ANXA2: variants seen among roughly 807,000 people sequenced by gnomAD.
The protein encoded by ANXA2 is annexin A2, also known as annexin II.
Under a neutral mutation model 47.3 loss-of-function variants are expected in ANXA2, and 28 were observed. The observed-to-expected ratio is 0.59, with a 90% CI of 0.44 to 0.81. ANXA2 has a LOEUF of 0.81. ANXA2 is among the 40% of genes least tolerant of loss of function. The pLI is 0.00. For synonymous variants in ANXA2, 172 were observed against 155.5 expected (o/e 1.11, Z -0.79); for missense variants, 384 against 414.3 (o/e 0.93, Z 0.64).
intron 11 of ANXA2, among the ~76,000 whole-genome samples, chr15:60,349,675 C>T (rs1007687417): frequency 6.7e-6 from 1 of 149,014 alleles, no homozygotes; most frequent in African/African-American, 2.5e-5. Flanking sequence ...CCGAACACTA[C>T]TTGTTTCCCA....
At chr15:60,370,756 TAC>T (rs1484956897) in intron 3 of ANXA2, among the ~76,000 whole-genome samples, 1 of 152,232 alleles carries the variant, frequency 6.6e-6, no homozygotes, top group Non-Finnish European at 1.5e-5. Context: ...CCTTGATTTA[TAC>T]TCTCTGACCT....
chr15:60,397,602 T>TGGC (rs1429690309), intron 1 of ANXA2, among the ~76,000 whole-genome samples: 3 of 152,138 alleles, frequency 2.0e-5, no homozygotes, highest in Admixed American at 6.5e-5. Flanking sequence ...CGGCGGCGCC[T>TGGC]GGCGCGTCTG....
chr15:60,349,105 C>G lies in ANXA2; in HGVS notation c.930G>C (p.Lys310Asn), dbSNP rs368177112. The change falls in exon 12 of 13, where the codon AAG becomes AAC. Residue 310 changes from lysine (K) to asparagine (N), a missense_variant. Coordinates refer to ENST00000451270, the MANE Select transcript of ANXA2 (RefSeq NM_004039.3). ...TATAATAGTACAGGGACTTGCCGTACTTTCTCTTGAATTCAGACCTAATTT... is the reference window on the plus strand; with the variant it reads ...TATAATAGTACAGGGACTTGCCGTAGTTTCTCTTGAATTCAGACCTAATTT... The part of the protein sequence containing the change: ...MLKIRSEFKR[K>N]YGKSLYYYIQ... 55 of 1,614,144 alleles carry G rather than the reference C, an allele frequency of 3.4e-5. No individual in the cohort carries two copies. The highest frequency in any genetic ancestry group is 4.5e-5 in the Non-Finnish European group (53 of 1,180,020).
chr15:60,350,632 G>T (rs1024630895), intron 11 of ANXA2, among the ~76,000 whole-genome samples: 2 of 152,200 alleles, frequency 1.3e-5, no homozygotes, highest in Non-Finnish European at 2.9e-5. Context: ...AATGGGATGG[G>T]TCTACGGGAA....
At chr15:60,357,628 C>G (rs766618795) in intron 5 of ANXA2, among the ~76,000 whole-genome samples, 17 of 152,102 alleles carry the variant, frequency 1.1e-4, no homozygotes, top group Non-Finnish European at 2.5e-4. Flanking sequence ...CCCATCTCTA[C>G]TAAAAATACA....
chr15:60,358,038 C>T (rs1566933564), intron 5 of ANXA2, among the ~76,000 whole-genome samples: 1 of 152,116 alleles, frequency 6.6e-6, no homozygotes, highest in South Asian at 2.1e-4. Context: ...TAGAGTAAGT[C>T]TTTTTACCAG....
chr15:60,379,836 C>T (rs909134980), intron 3 of ANXA2, among the ~76,000 whole-genome samples: 3 of 152,200 alleles, frequency 2.0e-5, no homozygotes, highest in African/African-American at 7.2e-5. Context: ...CTAAAAACTA[C>T]AGTATTTTTC....
chr15:60,371,592 GA>G (rs1317262778), intron 3 of ANXA2, among the ~76,000 whole-genome samples: 2 of 152,202 alleles, frequency 1.3e-5, no homozygotes, highest in Non-Finnish European at 2.9e-5. Context: ...ACTGCACAAA[GA>G]AAATGGATTT....
chr15:60,375,359 C>T (rs949015801), intron 3 of ANXA2, among the ~76,000 whole-genome samples: 1 of 152,112 alleles, frequency 6.6e-6, no homozygotes, highest in African/African-American at 2.4e-5. Context: ...CAAAGCTGTA[C>T]CAGTTTATTG....
At chr15:60,373,437 G>A (rs2062736262) in intron 3 of ANXA2, among the ~76,000 whole-genome samples, 1 of 152,172 alleles carries the variant, frequency 6.6e-6, no homozygotes, top group Non-Finnish European at 1.5e-5. Flanking sequence ...GGAGAGAAAA[G>A]CTCCCCTCTA....
At chr15:60,366,782 C>T (rs1449388940) in intron 3 of ANXA2, among the ~76,000 whole-genome samples, 15 of 124,128 alleles carry the variant, frequency 1.2e-4, no homozygotes, top group African/African-American at 3.4e-4. Context: ...CCCGGCCAGC[C>T]GCCCCGTCCG....
chr15:60,376,318 T>C (rs1473532445), intron 3 of ANXA2, among the ~76,000 whole-genome samples: 1 of 151,040 alleles, frequency 6.6e-6, no homozygotes, highest in Non-Finnish European at 1.5e-5. Flanking sequence ...GGAGGCGAGG[T>C]TGCAGTGAGC....
rs866330607 is a variant in ANXA2 at position 60,366,259 on chromosome 15, G to A, written c.149-1736C>T. On this transcript the variant is annotated intron_variant, in intron 3 of 12. Coordinates refer to ENST00000451270, the MANE Select transcript of ANXA2 (RefSeq NM_004039.3). ...AGAGCCCAGATTGCAGCCTCTGCCC[G>A]GCCGCCACCCCGTCTGGGAAGTGAG... is the stretch of plus-strand genomic sequence containing the variant. 7.5e-3 allele frequency among the ~76,000 whole-genome samples: 1,136 copies of A among 151,180 alleles called. 13 individuals are homozygous for A. The highest frequency in any genetic ancestry group is 0.026 in the African/African-American group (1,062 of 41,124).
chr15:60,354,050 C>G, intron 8 of ANXA2, 104 bp downstream of exon 8: 1 of 853,668 alleles, frequency 1.2e-6, no homozygotes, highest in South Asian at 1.9e-5. Flanking sequence ...TGTTTTAAGC[C>G]ACAGAGTTTG....
At chr15:60,366,302 C>T (rs1261270201) in intron 3 of ANXA2, among the ~76,000 whole-genome samples, 4 of 150,532 alleles carry the variant, frequency 2.7e-5, no homozygotes, top group Non-Finnish European at 4.4e-5. Flanking sequence ...TCTGCCTGGC[C>T]GCCCATCGTC....
At chr15:60,349,850 A>G in intron 11 of ANXA2, among the ~76,000 whole-genome samples, 1 of 111,810 alleles carries the variant, frequency 8.9e-6, no homozygotes, top group African/African-American at 3.6e-5. Context: ...AAAGGGAGGG[A>G]GGTGAAGGCA....
chr15:60,352,307 A>AT lies in ANXA2; in HGVS notation c.682+75dup. ...ACAGAACCTCATTCTGGCAGACTCC[A>AT]TCCCAACATGGACATCCACCCAGCC... On this transcript the variant is annotated intron_variant, in intron 9 of 12. Coordinates refer to ENST00000451270, the MANE Select transcript of ANXA2 (RefSeq NM_004039.3). The surrounding 1 kb of genome is among the most constrained non-coding windows in gnomAD (Gnocchi z 4.2). 1 of 991,982 alleles carries AT rather than the reference A, an allele frequency of 1.0e-6. No individual in the cohort carries two copies. The highest frequency in any genetic ancestry group is 2.5e-5 in the East Asian group (1 of 40,144). 61.4% of individuals were successfully genotyped at this position (991,982 alleles called of 1,614,324 possible). A position where few individuals can be genotyped will look rare whatever the true frequency, so the allele number is the denominator to read the frequency against.
chr15:60,366,736 C>T (rs1595680967), intron 3 of ANXA2, among the ~76,000 whole-genome samples: 1 of 134,070 alleles, frequency 7.5e-6, no homozygotes, highest in South Asian at 2.5e-4. Flanking sequence ...GCTCCTCTGC[C>T]CGGCCGCCCC....
intron 1 of ANXA2, chr15:60,390,363 C>A: frequency 3.9e-6 from 3 of 763,252 alleles, no homozygotes; most frequent in South Asian, 3.7e-5. Context: ...GATAGCATTC[C>A]GGAAAACATG....
Sources: allele counts gnomAD v4.1 joint callset (sites outside exome capture counted in the v4.1 genomes callset), GRCh38; gene constraint gnomAD v4.1.1; non-coding constraint Gnocchi (gnomAD v3.1); transcripts MANE v1.5; gene names NCBI Gene and HGNC (gene_info 2026-07-23, HGNC 2026-07-21).